The following COL11A2 variants were observed in gnomAD, a reference collection of about 807,000 sequenced individuals.
The protein encoded by COL11A2 is collagen alpha-2(XI) chain.
In COL11A2, 116 loss-of-function variants were observed where a neutral mutation model predicts 273.4. That is an observed-to-expected ratio of 0.42 (90% CI 0.36 to 0.49). The LOEUF (loss-of-function observed/expected upper bound fraction) is 0.49. Among genes scored for constraint, COL11A2 ranks in the 20% least tolerant of loss-of-function variants. The pLI is 0.00. For missense variants in COL11A2, 1,866 were observed against 2,309.0 expected, an observed-to-expected ratio of 0.81 and a Z score of 3.93; for synonymous variants, 782 against 864.2, an observed-to-expected ratio of 0.90 and a Z score of 1.67.
rs921581176 is a variant in COL11A2 at position 33,164,976 on chromosome 6, G to C, written c.4751-12C>G. The C allele has an allele frequency of 3.7e-5, 58 of 1,560,384 alleles. 2 individuals are homozygous for C. In the Admixed American group the frequency reaches 1.0e-3, roughly 28 times the overall value. On this transcript the variant is annotated splice_polypyrimidine_tract_variant and intron_variant, in intron 63 of 65. Coordinates refer to ENST00000341947, the MANE Select transcript of COL11A2 (RefSeq NM_080680.3). The surrounding 1 kb of genome is among the most constrained non-coding windows in gnomAD (Gnocchi z 4.7). ...GACCCAGTACTCTCCTGTTGGGTGAGGGAGAGGGGAGGTCAGGGCCACCTA... is the reference window on the plus strand; with the variant it reads ...GACCCAGTACTCTCCTGTTGGGTGACGGAGAGGGGAGGTCAGGGCCACCTA...
In COL11A2 at chr6:33,172,629, T is replaced by G; in HGVS notation, c.2799A>C (p.Ala933=). 1 of 1,612,312 alleles carries G rather than the reference T, an allele frequency of 6.2e-7. No individual in the cohort carries two copies. Among genetic ancestry groups the G allele is most frequent in the Admixed American group, 1.7e-5 (1 of 60,018 alleles). ...PPGVVGPQGA[A]GETGPMGERG... ...TCTCCCCCATAGGGCCGGTTTCTCCTGCTGCTCCCTAGACAAAAGCAGAGA... is the reference window on the plus strand; with the variant it reads ...TCTCCCCCATAGGGCCGGTTTCTCCGGCTGCTCCCTAGACAAAAGCAGAGA... Residue 933 remains alanine (A), a synonymous_variant, in exon 39 of 66, where the codon GCA becomes GCC. Transcript: ENST00000341947.
chr6:33,186,670 G>T lies in COL11A2; in HGVS notation c.755C>A (p.Pro252Gln). ...ATTTTGTGGCCTGTGAAGTCTTGAT[G>T]GTTGCTGCTGTGGAGATCTCTGGGC... ...HRAQRSPQQQ[P>Q]SRLHRPQNQE... The change falls in exon 5 of 66, where the codon CCA becomes CAA. Residue 252 changes from proline (P) to glutamine (Q), a missense_variant. Physicochemically the swap from Pro to Gln is moderately conservative, Grantham distance 76. Coordinates refer to ENST00000341947, the MANE Select transcript of COL11A2 (RefSeq NM_080680.3). 3 of 1,614,108 alleles carry T rather than the reference G, an allele frequency of 1.9e-6. No individual in the cohort carries two copies. The highest frequency in any genetic ancestry group is 2.5e-6 in the Non-Finnish European group (3 of 1,180,018).
At position 33,171,308 on chromosome 6, in the gene COL11A2, G is replaced by T; in HGVS notation, c.3275C>A (p.Pro1092His). 2 of 1,614,208 alleles carry T rather than the reference G, an allele frequency of 1.2e-6. No homozygotes were observed. Among genetic ancestry groups the T allele is most frequent in the Non-Finnish European group, 1.7e-6 (2 of 1,180,022 alleles). Residue 1092 changes from proline to histidine, a missense_variant, in exon 44 of 66, where the codon CCC (proline) becomes CAC (histidine). Pro to His is a moderately conservative substitution (Grantham distance 77). Transcript: ENST00000341947. ...EDGDKGEVGD[P>H]GQKGTKGNKG... Reference sequence around the variant, plus strand: ...GTTCCCTTTGGTGCCCTTCTGTCCGGGGTCCCCCACCTCACCCTGGGAGGA... The same window carrying T: ...GTTCCCTTTGGTGCCCTTCTGTCCGTGGTCCCCCACCTCACCCTGGGAGGA...
At chr6:33,168,900 C>CT (rs973876507) in intron 52 of COL11A2, 55 bp downstream of exon 52, 3 of 1,598,722 alleles carry the variant, frequency 1.9e-6, no homozygotes, top group East Asian at 4.5e-5. Flanking sequence ...CACAGAGGAC[C>CT]CCCCCATAGA....
chr6:33,167,253 C>T lies in COL11A2; in HGVS notation c.4176+11G>A, dbSNP rs1486386363. 1 of 1,614,012 alleles carries T rather than the reference C, an allele frequency of 6.2e-7. No individual in the cohort carries two copies. The highest frequency in any genetic ancestry group is 8.5e-7 in the Non-Finnish European group (1 of 1,180,024). On this transcript the variant is annotated intron_variant, in intron 57 of 65. Coordinates refer to ENST00000341947, the MANE Select transcript of COL11A2 (RefSeq NM_080680.3). The surrounding 1 kb of genome is among the most constrained non-coding windows in gnomAD (Gnocchi z 6.1). Reference sequence around the variant, plus strand: ...CCTCACCCCTCACTCAGCCCAATCCCAGTCACTCACCACAGGACCTGGGGG... The same window carrying T: ...CCTCACCCCTCACTCAGCCCAATCCTAGTCACTCACCACAGGACCTGGGGG...
chr6:33,170,381 T>TC lies in COL11A2; in HGVS notation c.3529-3_3529-2insG, dbSNP rs1186263966. On this transcript the variant is annotated splice_region_variant and splice_polypyrimidine_tract_variant and intron_variant, in intron 47 of 65. Coordinates refer to ENST00000341947, the MANE Select transcript of COL11A2 (RefSeq NM_080680.3). This position sits in a 1 kb window ranked among gnomAD's most constrained non-coding sequence, Gnocchi z 4.3. ...AGGTCCTGGGGGGCCAGGTGGTCCC[T>TC]GGGGGAAACAGATACACCACAGATG... 3 of 1,610,852 alleles carry TC rather than the reference T, an allele frequency of 1.9e-6. No individual in the cohort carries two copies. Among genetic ancestry groups the TC allele is most frequent in the Non-Finnish European group, 2.5e-6 (3 of 1,179,082 alleles).
chr6:33,166,350 G>T lies in COL11A2; in HGVS notation c.4393-144C>A. On this transcript the variant is annotated intron_variant, in intron 60 of 65. Transcript: ENST00000341947. The surrounding 1 kb of genome is among the most constrained non-coding windows in gnomAD (Gnocchi z 4.8). ...TTGTGGGAATACTAGGACATTCAGA[G>T]CCCTGGAAGTATGGGGAGGAGGTAC... The T allele has an allele frequency of 7.8e-7, 1 of 1,284,544 alleles. No homozygotes were observed. The highest frequency in any genetic ancestry group is 1.1e-6 in the Non-Finnish European group (1 of 928,014). 79.6% of individuals were successfully genotyped at this position (1,284,544 alleles called of 1,614,324 possible).
rs373975299 is a variant in COL11A2, at chr6:33,184,112, G to A, written c.1119+33C>T. 8.9e-5 allele frequency: 121 copies of A among 1,365,402 alleles called. No individual in the cohort carries two copies. In the African/African-American group the frequency reaches 1.5e-3, roughly 17 times the overall value. The allele number at this position is 1,365,402 out of a possible 1,614,324, so 84.6% of individuals were successfully genotyped here. On this transcript the variant is annotated intron_variant, in intron 8 of 65. Coordinates refer to ENST00000341947, the MANE Select transcript of COL11A2 (RefSeq NM_080680.3). ...GCAATTCTTGTAGCTCCCACTGGTAGTCAAGAATGAAAGAGAAGCTCCTTT... is the reference window on the plus strand; with the variant it reads ...GCAATTCTTGTAGCTCCCACTGGTAATCAAGAATGAAAGAGAAGCTCCTTT...
intron 53 of COL11A2, 24 bp downstream of exon 53, chr6:33,168,682 G>C: frequency 2.5e-6 from 4 of 1,590,298 alleles, no homozygotes; most frequent in Middle Eastern, 1.7e-4. Flanking sequence ...GCTCAGGGGG[G>C]TGGTGGGGTC....
chr6:33,173,502 C>T lies in COL11A2; in HGVS notation c.2682G>A (p.Pro894=), dbSNP rs113067047. 278 of 1,609,662 alleles carry T rather than the reference C, an allele frequency of 1.7e-4. No individual in the cohort carries two copies. In the African/African-American group the frequency reaches 1.9e-3, roughly 11 times the overall value. The part of the protein sequence containing the change: ...PNGFPGPKGP[P]GPPGKDGLPG... ...GGGTCAGAGCTCGGGGTCAACTTACCGGGGGTCCTTTCGGTCCAGGAAACC... is the reference window on the plus strand; with the variant it reads ...GGGTCAGAGCTCGGGGTCAACTTACTGGGGGTCCTTTCGGTCCAGGAAACC... The change falls in exon 36 of 66, where the codon CCG becomes CCA. Residue 894 remains proline, a splice_region_variant and synonymous_variant. Coordinates refer to ENST00000341947, the MANE Select transcript of COL11A2 (RefSeq NM_080680.3). This position sits in a 1 kb window ranked among gnomAD's most constrained non-coding sequence, Gnocchi z 6.3.
rs1383517984 is a variant in COL11A2, at chr6:33,173,980, T to C, written c.2529+31A>G. 6.2e-7 allele frequency: 1 copy of C among 1,613,878 alleles called. No homozygotes were observed. Among genetic ancestry groups the C allele is most frequent in the Non-Finnish European group, 8.5e-7 (1 of 1,179,968 alleles). Reference sequence around the variant, plus strand: ...AACCCAAATGCCCCCCTCTGGACCTTGAGCCACCTGTTTCTCTCCCCTGCA... The same window carrying C: ...AACCCAAATGCCCCCCTCTGGACCTCGAGCCACCTGTTTCTCTCCCCTGCA... On this transcript the variant is annotated intron_variant, in intron 33 of 65. Coordinates refer to ENST00000341947, the MANE Select transcript of COL11A2 (RefSeq NM_080680.3). The surrounding 1 kb of genome is among the most constrained non-coding windows in gnomAD (Gnocchi z 6.3).
chr6:33,170,363 G>C lies in COL11A2; in HGVS notation c.3545C>G (p.Pro1182Arg), dbSNP rs1411737210. ...GGGTCCAGCTGGACCTCGAGGTCCT[G>C]GGGGGCCAGGTGGTCCCTGGGGGAA... is the stretch of plus-strand genomic sequence containing the variant. ...DVGPMGPPGP[P>R]GPRGPAGPNG... Residue 1182 changes from proline (P) to arginine (R), a missense_variant, in exon 48 of 66, where the codon CCA (proline) becomes CGA (arginine). Pro to Arg is a moderately radical substitution (Grantham distance 103, BLOSUM62 -2). Coordinates refer to ENST00000341947, the MANE Select transcript of COL11A2 (RefSeq NM_080680.3). The surrounding 1 kb of genome is among the most constrained non-coding windows in gnomAD (Gnocchi z 4.3). The C allele has an allele frequency of 6.2e-7, 1 of 1,613,790 alleles. No individual in the cohort carries two copies. Among genetic ancestry groups the C allele is most frequent in the Non-Finnish European group, 8.5e-7 (1 of 1,179,838 alleles).
Position 33,189,110 on chromosome 6 carries a change from TAG to T in COL11A2, c.309_310del (p.Tyr104GlnfsTer21). 1 of 1,613,980 alleles carries T rather than the reference TAG, an allele frequency of 6.2e-7. No individual in the cohort carries two copies. Among genetic ancestry groups the T allele is most frequent in the Non-Finnish European group, 8.5e-7 (1 of 1,179,954 alleles). ...CAGCTGTCGGACACCCTGGGCACTG[TAG>T]AGAGTCAGGAGGGGAGCTTGGAGAC... On this transcript the variant is annotated frameshift_variant, in exon 3 of 66. Coordinates refer to ENST00000341947, the MANE Select transcript of COL11A2 (RefSeq NM_080680.3). LOFTEE classifies it high-confidence loss of function. This position sits in a 1 kb window ranked among gnomAD's most constrained non-coding sequence, Gnocchi z 5.6.
At chr6:33,188,292 G>A (rs941687899) in intron 4 of COL11A2, 70 bp downstream of exon 4, 48 of 1,568,342 alleles carry the variant, frequency 3.1e-5, no homozygotes, top group Non-Finnish European at 4.2e-5. Context: ...ATGACATGCT[G>A]GGGCCAGAAG....
chr6:33,180,426 G>T, intron 11 of COL11A2, 94 bp from the exon 12 acceptor site: 1 of 1,176,002 alleles, frequency 8.5e-7, no homozygotes. Context: ...AACAGAATAA[G>T]TGTAGATTGC....
chr6:33,174,574 G>C lies in COL11A2; in HGVS notation c.2383C>G (p.Leu795Val). The change falls in exon 31 of 66, where the codon CTG (leucine) becomes GTG (valine). Residue 795 changes from leucine to valine, a missense_variant. Transcript: ENST00000341947. ...PPGLMGEKGKLGVPGLPGYPG... is the reference protein window; with the variant it reads ...PPGLMGEKGKVGVPGLPGYPG... ...TAGCCAGGCAGACCAGGAACACCCA[G>C]CTTGCCCTGTGGAGGGACAGGAAGC... 1 of 1,612,382 alleles carries C rather than the reference G, an allele frequency of 6.2e-7. No homozygotes were observed.
chr6:33,167,536 G>A lies in COL11A2; in HGVS notation c.4015-3C>T. On this transcript the variant is annotated splice_polypyrimidine_tract_variant and splice_region_variant and intron_variant, in intron 55 of 65. Transcript: ENST00000341947. The surrounding 1 kb of genome is among the most constrained non-coding windows in gnomAD (Gnocchi z 6.1). ...GCACCTATAGCGCCAGGATCTCCCT[G>A]AAACACACACAAGGAATGTGTCCTG... is the stretch of plus-strand genomic sequence containing the variant. 6.2e-7 allele frequency: 1 copy of A among 1,612,774 alleles called. No homozygotes were observed. The highest frequency in any genetic ancestry group is 8.5e-7 in the Non-Finnish European group (1 of 1,179,976).
rs1032118845 is a variant in COL11A2 at position 33,163,854 on chromosome 6, A to G, written c.5071-36T>C. On this transcript the variant is annotated intron_variant, in intron 65 of 65. Transcript: ENST00000341947. This position sits in a 1 kb window ranked among gnomAD's most constrained non-coding sequence, Gnocchi z 4.1. ...AGACAAGGAAGAAAGTGTGAGCAGG[A>G]TGGAGGCACCCCCCACCCTCTAACC... 3 of 1,612,642 alleles carry G rather than the reference A, an allele frequency of 1.9e-6. No homozygotes were observed. In the African/African-American group the frequency reaches 4.0e-5, roughly 22 times the overall value.
In COL11A2 at chr6:33,166,403, C is replaced by G; in HGVS notation, c.4392+110G>C. ...GTGGTGACAGGACAAATGGGGGACC[C>G]TGAGGACTATGCTTGTTAGGCTGGT... On this transcript the variant is annotated intron_variant, in intron 60 of 65. Transcript: ENST00000341947. The surrounding 1 kb of genome is among the most constrained non-coding windows in gnomAD (Gnocchi z 4.8). 1 of 1,386,424 alleles carries G rather than the reference C, an allele frequency of 7.2e-7. No individual in the cohort carries two copies. Among genetic ancestry groups the G allele is most frequent in the Non-Finnish European group, 1.0e-6 (1 of 1,000,524 alleles). 85.9% of individuals were successfully genotyped at this position (1,386,424 alleles called of 1,614,324 possible).
Sources: gnomAD v4.1 joint callset for allele counts on GRCh38, gnomAD v4.1.1 for gene constraint, Gnocchi (gnomAD v3.1) non-coding constraint, MANE v1.5 for transcripts, NCBI Gene and HGNC (gene_info 2026-07-23, HGNC 2026-07-21) for gene names.